FBN1: variants seen among roughly 807,000 people sequenced by gnomAD.
The protein encoded by FBN1 is fibrillin-1.
FBN1 carries 29 observed loss-of-function variants against 365.1 expected under a neutral mutation model. The observed-to-expected ratio is 0.08, with a 90% CI of 0.06 to 0.11. The LOEUF (loss-of-function observed/expected upper bound fraction) is 0.11, where lower values mean the gene tolerates loss of function less well. Among genes scored for constraint, FBN1 ranks in the 10% least tolerant of loss-of-function variants. FBN1 has a pLI of 1.00. For synonymous variants in FBN1, 1,210 were observed against 1,270.5 expected, an observed-to-expected ratio of 0.95 and a Z score of 1.01; for missense variants, 2,476 against 3,703.2, an observed-to-expected ratio of 0.67 and a Z score of 8.60.
intron 13 of FBN1, among the ~76,000 whole-genome samples, chr15:48,511,250 G>T (rs1455285954): frequency 1.3e-5 from 2 of 152,076 alleles, no homozygotes; most frequent in Admixed American, 1.3e-4. Flanking sequence ...TCCTGCAGTG[G>T]TTTCCACACA....
At position 48,603,891 on chromosome 15, in the gene FBN1, A is replaced by C. The variant is rs112739567; in HGVS notation, c.347-3657T>G. 5.9e-3 allele frequency among the ~76,000 whole-genome samples: 900 copies of C among 152,320 alleles called. 9 individuals carry two copies. Among genetic ancestry groups the C allele is most frequent in the African/African-American group, 0.021 (878 of 41,572 alleles). On this transcript the variant is annotated intron_variant, in intron 4 of 65. Coordinates refer to ENST00000316623, the MANE Select transcript of FBN1 (RefSeq NM_000138.5). The stretch of plus-strand genomic sequence containing the variant: ...AGACAGCCGTAAAGGGTTTCATGTA[A>C]GGCTCAATAACCCAGAGCTAACAGA...
At chr15:48,640,876 G>A (rs1173095769) in intron 2 of FBN1, 1 of 151,850 alleles carries the variant, frequency 6.6e-6, no homozygotes, top group Non-Finnish European at 1.5e-5. Flanking sequence ...CATAACTATT[G>A]CTATTCAAGT....
In FBN1 at chr15:48,415,683, G is replaced by A. The variant is rs779744112; in HGVS notation, c.7904C>T (p.Ala2635Val). ...TLGSYKCMCP[A>V]GFQYEQFSGG... ...ACTGAACTGTTCATACTGGAAGCCG[G>A]CGGGACACATGCACTTGTAGCTCCC... is the stretch of plus-strand genomic sequence containing the variant. The change falls in exon 64 of 66, where the codon GCC becomes GTC. Residue 2635 changes from alanine to valine, a missense_variant. Coordinates refer to ENST00000316623, the MANE Select transcript of FBN1 (RefSeq NM_000138.5). 6.2e-7 allele frequency: 1 copy of A among 1,614,212 alleles called. No individual in the cohort carries two copies. The highest frequency in any genetic ancestry group is 8.5e-7 in the Non-Finnish European group (1 of 1,180,022).
At position 48,526,035 on chromosome 15, in the gene FBN1, A is replaced by T. The variant is rs2043909226; in HGVS notation, c.988+95T>A. On this transcript the variant is annotated intron_variant, in intron 9 of 65. Transcript: ENST00000316623. ...AAATGTACATTTTACCTCAGTTGATAAATTATATGTGCTCCTTAACAAGCT... is the reference window on the plus strand; with the variant it reads ...AAATGTACATTTTACCTCAGTTGATTAATTATATGTGCTCCTTAACAAGCT... 1.2e-5 allele frequency: 18 copies of T among 1,513,420 alleles called. No homozygotes were observed. In the South Asian group the frequency reaches 2.0e-4, roughly 17 times the overall value. The allele number at this position is 1,513,420 out of a possible 1,614,324, so 93.7% of individuals were successfully genotyped here.
intron 56 of FBN1, among the ~76,000 whole-genome samples, chr15:48,429,262 T>C (rs1024106751): frequency 6.6e-6 from 1 of 152,224 alleles, no homozygotes; most frequent in African/African-American, 2.4e-5. Flanking sequence ...ATGGTCAATA[T>C]TGATCTGGGG....
chr15:48,472,767 T>C, intron 34 of FBN1, 91 bp from the exon 35 acceptor site: 1 of 1,567,708 alleles, frequency 6.4e-7, no homozygotes, highest in Non-Finnish European at 8.8e-7. Context: ...AGCAATGTTT[T>C]GGCATAACTT....
chr15:48,422,372 C>G (rs925738819), intron 60 of FBN1, among the ~76,000 whole-genome samples: 4 of 152,254 alleles, frequency 2.6e-5, no homozygotes, highest in East Asian at 1.9e-4. Flanking sequence ...TAAATCATGA[C>G]ATTTTAAACA....
chr15:48,603,807 T>C (rs1019544377), intron 4 of FBN1, among the ~76,000 whole-genome samples: 1 of 152,176 alleles, frequency 6.6e-6, no homozygotes, highest in African/African-American at 2.4e-5. Context: ...GATCCAGCCA[T>C]ATGCAGTGAA....
rs761307030 is a variant in FBN1 at position 48,464,039 on chromosome 15, AGTGGTAT to A, written c.4943-25_4943-19del. 9.3e-6 allele frequency: 15 copies of A among 1,613,212 alleles called. No homozygotes were observed. In the Admixed American group the frequency reaches 1.2e-4, roughly 13 times the overall value. On this transcript the variant is annotated intron_variant, in intron 40 of 65. Transcript: ENST00000316623. Reference sequence around the variant, plus strand: ...ATTCACATCTATAATCCAAAGAGAAAGTGGTATGTGAATATGAAAACTTCACATTTTG... The same window carrying A: ...ATTCACATCTATAATCCAAAGAGAAAGTGAATATGAAAACTTCACATTTTG...
At chr15:48,541,764 CAG>C (rs1163512229) in intron 6 of FBN1, among the ~76,000 whole-genome samples, 1 of 145,562 alleles carries the variant, frequency 6.9e-6, no homozygotes, top group Middle Eastern at 3.3e-3. Flanking sequence ...CAGCATTAGA[CAG>C]GGAGTGTGCT....
rs114066828 is a variant in FBN1, at chr15:48,554,074, T to C, written c.539-16266A>G. ...GTAAGTGGCAGAATGAGAATTCAGC[T>C]TTTGGTGTTTCTGATTCTAAAAGCT... On this transcript the variant is annotated intron_variant, in intron 6 of 65. Coordinates refer to ENST00000316623, the MANE Select transcript of FBN1 (RefSeq NM_000138.5). Among the ~76,000 whole-genome samples the C allele has an allele frequency of 7.0e-3, 1,068 of 152,326 alleles. 17 individuals carry two copies. The highest frequency in any genetic ancestry group is 0.025 in the African/African-American group (1,020 of 41,574).
intron 14 of FBN1, among the ~76,000 whole-genome samples, chr15:48,509,613 AT>A (rs10717393): frequency 0.15 from 22,470 of 149,642 alleles, 1,831 homozygotes; most frequent in East Asian, 0.36. Context: ...CATAACATGT[AT>A]TTTTACATTA....
At position 48,495,232 on chromosome 15, in the gene FBN1, A is replaced by C. The variant is rs781607814; in HGVS notation, c.2568T>G (p.Thr856=). 1 of 1,614,060 alleles carries C rather than the reference A, an allele frequency of 6.2e-7. No homozygotes were observed. The highest frequency in any genetic ancestry group is 1.3e-5 in the African/African-American group (1 of 74,936). Residue 856 remains threonine, a synonymous_variant, in exon 22 of 66, where the codon ACT becomes ACG. Transcript: ENST00000316623. Reference sequence around the variant, plus strand: ...TGATCTCACATCGCCCATCAATGACAGTCTGCCAGCAAGTGCCCTTGATGG... The same window carrying C: ...TGATCTCACATCGCCCATCAATGACCGTCTGCCAGCAAGTGCCCTTGATGG... ...IETIKGTCWQ[T]VIDGRCEINI... is the part of the protein sequence containing the mutation.
In FBN1 at chr15:48,420,815, G is replaced by C. The variant is rs772261791; in HGVS notation, c.7700-9C>G. The C allele has an allele frequency of 1.1e-5, 18 of 1,613,226 alleles. No individual in the cohort carries two copies. The highest frequency in any genetic ancestry group is 1.7e-4 in the Middle Eastern group (1 of 5,784). On this transcript the variant is annotated splice_polypyrimidine_tract_variant and intron_variant, in intron 62 of 65. Coordinates refer to ENST00000316623, the MANE Select transcript of FBN1 (RefSeq NM_000138.5). Reference sequence around the variant, plus strand: ...CTCACACTCGTCCACGTCTGAAAAAGAAGCAGAGCCACCATGATGCCAACT... The same window carrying C: ...CTCACACTCGTCCACGTCTGAAAAACAAGCAGAGCCACCATGATGCCAACT...
intron 6 of FBN1, among the ~76,000 whole-genome samples, chr15:48,561,640 A>T (rs567996745): frequency 6.6e-6 from 1 of 152,324 alleles, no homozygotes; most frequent in South Asian, 2.1e-4. Flanking sequence ...AGACTTTATC[A>T]ACAATTTTTG....
At chr15:48,603,474 C>T (rs1018461145) in intron 4 of FBN1, among the ~76,000 whole-genome samples, 3 of 152,182 alleles carry the variant, frequency 2.0e-5, no homozygotes, top group Admixed American at 1.3e-4. Context: ...GAACTAGATA[C>T]GTAGTTTCAC....
rs771509487 is a variant in FBN1, at chr15:48,537,689, G to A, written c.658C>T (p.Pro220Ser). 2 of 1,614,102 alleles carry A rather than the reference G, an allele frequency of 1.2e-6. No homozygotes were observed. The highest frequency in any genetic ancestry group is 1.7e-6 in the Non-Finnish European group (2 of 1,180,048). Residue 220 changes from proline to serine, a missense_variant, in exon 7 of 66, where the codon CCC becomes TCC. Pro to Ser is a moderately conservative substitution (Grantham distance 74, BLOSUM62 -1). Transcript: ENST00000316623. ...GGCTGGGCAGGACACATCTCACAGG[G>A]GTGGCCCCAGGCTCGGCCGACTGTG... ...CATVGRAWGH[P>S]CEMCPAQPHP...
At chr15:48,481,814 T>C in intron 31 of FBN1, 34 bp from the exon 32 acceptor site, 2 of 1,587,758 alleles carry the variant, frequency 1.3e-6, no homozygotes, top group Non-Finnish European at 1.7e-6. Context: ...TATATGTAGC[T>C]ATTTGATATC....
At chr15:48,516,484 A>G in intron 10 of FBN1, 122 bp from the exon 11 acceptor site, 1 of 1,029,852 alleles carries the variant, frequency 9.7e-7, no homozygotes, top group Non-Finnish European at 1.4e-6. Context: ...CAAAATTCAC[A>G]GGTCAACTGG....
Sources: allele counts gnomAD v4.1 joint callset (sites outside exome capture counted in the v4.1 genomes callset), GRCh38; gene constraint gnomAD v4.1.1; transcripts MANE v1.5; gene names NCBI Gene and HGNC (gene_info 2026-07-23, HGNC 2026-07-21).